CNTN5: variants seen among roughly 807,000 people sequenced by gnomAD.
CNTN5 encodes the protein contactin-5.
A neutral mutation model predicts 129.1 loss-of-function variants in CNTN5; 77 were observed. The ratio of observed to expected loss-of-function variants is 0.60; its 90% confidence interval spans 0.50 to 0.72. The LOEUF is 0.72. CNTN5 is among the 30% of genes least tolerant of loss of function. The pLI is 0.00. For missense variants in CNTN5, 1,478 were observed against 1,328.8 expected (o/e 1.11, Z -1.75); for synonymous variants, 509 against 465.6 (o/e 1.09, Z -1.20).
intron 1 of CNTN5, among the ~76,000 whole-genome samples, chr11:99,224,937 A>G (rs1388164955): frequency 6.6e-6 from 1 of 152,082 alleles, no homozygotes; most frequent in East Asian, 1.9e-4. Flanking sequence ...TTTAAGACCC[A>G]GTTTGGACAT....
intron 21 of CNTN5, among the ~76,000 whole-genome samples, chr11:100,317,416 G>T (rs1239374265): frequency 6.6e-6 from 1 of 152,124 alleles, no homozygotes; most frequent in South Asian, 2.1e-4. Context: ...GTGGGTAGCC[G>T]CCATTTTACA....
chr11:99,792,338 G>T (rs1164885884), intron 3 of CNTN5, among the ~76,000 whole-genome samples: 2 of 152,048 alleles, frequency 1.3e-5, no homozygotes, highest in African/African-American at 2.4e-5. Context: ...AGCCTTTTCT[G>T]TATCTATTGA....
At chr11:99,944,696 G>T (rs59768495) in intron 7 of CNTN5, among the ~76,000 whole-genome samples, 1 of 151,858 alleles carries the variant, frequency 6.6e-6, no homozygotes, top group African/African-American at 2.4e-5. Flanking sequence ...TGCAAAAATC[G>T]CAAGCATTCT....
At chr11:99,997,526 C>A (rs556427581) in intron 8 of CNTN5, among the ~76,000 whole-genome samples, 10 of 152,066 alleles carry the variant, frequency 6.6e-5, no homozygotes, top group Non-Finnish European at 1.3e-4. Context: ...GCTTGCCAAC[C>A]AAAAAGAGCC....
At chr11:99,505,493 A>G (rs926319812) in intron 2 of CNTN5, among the ~76,000 whole-genome samples, 1 of 152,180 alleles carries the variant, frequency 6.6e-6, no homozygotes, top group Admixed American at 6.5e-5. Flanking sequence ...ATTTTTTTCA[A>G]CATAACTTTT....
chr11:100,293,421 A>G (rs184204559), intron 18 of CNTN5, among the ~76,000 whole-genome samples: 2 of 151,808 alleles, frequency 1.3e-5, no homozygotes, highest in African/African-American at 4.8e-5. Flanking sequence ...TACTACCAAA[A>G]CAATATTATT....
intron 1 of CNTN5, among the ~76,000 whole-genome samples, chr11:99,319,470 C>T (rs568965003): frequency 7.2e-5 from 11 of 152,258 alleles, no homozygotes; most frequent in Non-Finnish European, 1.5e-4. Flanking sequence ...GAGCTGACCC[C>T]TATTAGAGAA....
Position 99,780,679 on chromosome 11 carries a change from T to A in CNTN5, c.56-38865T>A, listed in dbSNP as rs534723937. On this transcript the variant is annotated intron_variant, in intron 3 of 24. Transcript: ENST00000524871. ...ATTTCCATTTCACAGTATGTTTACT[T>A]TTGTTATAAAAATACTTCAAAGTGT... Among the ~76,000 whole-genome samples, 5 of 152,212 alleles carry A rather than the reference T, an allele frequency of 3.3e-5. No individual in the cohort carries two copies. In the South Asian group the frequency reaches 1.0e-3, roughly 32 times the overall value.
At chr11:99,958,890 CCTT>C (rs1471995750) in intron 8 of CNTN5, among the ~76,000 whole-genome samples, 4 of 152,074 alleles carry the variant, frequency 2.6e-5, no homozygotes, top group African/African-American at 9.7e-5. Flanking sequence ...GGCTCTTCCA[CCTT>C]CTTTTCACAC....
intron 1 of CNTN5, among the ~76,000 whole-genome samples, chr11:99,167,939 G>GATT (rs1860954208): frequency 6.7e-6 from 1 of 148,492 alleles, no homozygotes; most frequent in African/African-American, 2.6e-5. Flanking sequence ...TTCTTATAAT[G>GATT]ATTTTTTTTT....
chr11:99,640,507 G>T (rs1257407720), intron 3 of CNTN5, among the ~76,000 whole-genome samples: 1 of 152,138 alleles, frequency 6.6e-6, no homozygotes, highest in Non-Finnish European at 1.5e-5. Context: ...ATTACCTCCT[G>T]CTGGGTCCCT....
chr11:99,453,213 A>AT (rs892956872), intron 2 of CNTN5, among the ~76,000 whole-genome samples: 2 of 152,148 alleles, frequency 1.3e-5, no homozygotes, highest in African/African-American at 4.8e-5. Flanking sequence ...TATTTTATTC[A>AT]TTTTTTTAGA....
At chr11:99,439,524 A>G (rs1943734557) in intron 2 of CNTN5, among the ~76,000 whole-genome samples, 1 of 151,846 alleles carries the variant, frequency 6.6e-6, no homozygotes, top group South Asian at 2.1e-4. Flanking sequence ...CCTGGCCAAC[A>G]TGGTGAAACC....
chr11:99,589,895 A>G (rs1311455815), intron 3 of CNTN5, among the ~76,000 whole-genome samples: 1 of 152,204 alleles, frequency 6.6e-6, no homozygotes, highest in Non-Finnish European at 1.5e-5. Context: ...ATGAGCAGAA[A>G]AATTAAGGTG....
chr11:99,741,832 G>T lies in CNTN5; in HGVS notation c.56-77712G>T, dbSNP rs971762977. Among the ~76,000 whole-genome samples the T allele has an allele frequency of 5.9e-5, 9 of 152,000 alleles. No homozygotes were observed. In the East Asian group the frequency reaches 1.7e-3, roughly 29 times the overall value. On this transcript the variant is annotated intron_variant, in intron 3 of 24. Transcript: ENST00000524871. ...TTACATTTACATATCATGTCTTGCC[G>T]CTATGTTTGGTGTTATACATTATTA... is the stretch of plus-strand genomic sequence containing the variant.
chr11:99,502,959 G>A lies in CNTN5; in HGVS notation c.-70-53186G>A, dbSNP rs7936381. On this transcript the variant is annotated intron_variant, in intron 2 of 24. Coordinates refer to ENST00000524871, the MANE Select transcript of CNTN5 (RefSeq NM_014361.4). ...GTCATTCTGCATGGCTAGAAAATTAGGAATTATCTTGGGTTACAATTTCCC... is the reference window on the plus strand; with the variant it reads ...GTCATTCTGCATGGCTAGAAAATTAAGAATTATCTTGGGTTACAATTTCCC... 6.3e-3 allele frequency among the ~76,000 whole-genome samples: 957 copies of A among 152,164 alleles called. 8 individuals carry two copies. The highest frequency in any genetic ancestry group is 0.022 in the African/African-American group (901 of 41,532).
chr11:99,495,499 G>A (rs1364049618), intron 2 of CNTN5, among the ~76,000 whole-genome samples: 1 of 152,184 alleles, frequency 6.6e-6, no homozygotes, highest in Non-Finnish European at 1.5e-5. Context: ...CACATAGAAA[G>A]TCAGAAAGAG....
intron 2 of CNTN5, among the ~76,000 whole-genome samples, chr11:99,493,059 C>A (rs1171264257): frequency 3.3e-5 from 5 of 152,136 alleles, no homozygotes; most frequent in Admixed American, 1.3e-4. Flanking sequence ...GTTTGAAAGA[C>A]CTTCCTGCTT....
intron 12 of CNTN5, among the ~76,000 whole-genome samples, chr11:100,073,720 T>TA (rs1199023235): frequency 6.6e-6 from 1 of 152,042 alleles, no homozygotes; most frequent in East Asian, 1.9e-4. Flanking sequence ...TAAAGTAATA[T>TA]ACAGAATAAA....
Sources: allele counts gnomAD v4.1 joint callset (sites outside exome capture counted in the v4.1 genomes callset), GRCh38; gene constraint gnomAD v4.1.1; transcripts MANE v1.5; gene names NCBI Gene and HGNC (gene_info 2026-07-23, HGNC 2026-07-21).